Variants in HIBCH observed in about 807,000 individuals in gnomAD.
HIBCH encodes the protein 3-hydroxyisobutyryl-CoA hydrolase, also known as 3-hydroxyisobutyryl-CoA hydrolase, mitochondrial.
In HIBCH, 50 loss-of-function variants were observed where a neutral mutation model predicts 58.2. The ratio of observed to expected loss-of-function variants is 0.86; its 90% CI spans 0.68 to 1.09. The LOEUF (loss-of-function observed/expected upper bound fraction) is 1.09, where lower values mean the gene tolerates loss of function less well. Among genes scored for constraint, HIBCH ranks in the 50% least tolerant of loss-of-function variants. HIBCH has a pLI of 0.00. For missense variants in HIBCH, 450 were observed against 449.7 expected, an observed-to-expected ratio of 1.00 and a Z score of -0.01; for synonymous variants, 151 against 146.9, an observed-to-expected ratio of 1.03 and a Z score of -0.20.
intron 1 of HIBCH, among the ~76,000 whole-genome samples, chr2:190,194,266 T>C (rs1426523106): frequency 6.6e-6 from 1 of 152,160 alleles, no homozygotes; most frequent in African/African-American, 2.4e-5. Flanking sequence ...GAGCATAATG[T>C]TGTTCAGAAC....
intron 2 of HIBCH, among the ~76,000 whole-genome samples, chr2:190,303,010 G>C (rs1368169535): frequency 2.0e-5 from 3 of 152,176 alleles, no homozygotes; most frequent in African/African-American, 7.2e-5. Context: ...AAATTAGTAA[G>C]TAATGGAGCC....
At chr2:190,242,395 T>C (rs1319211408) in intron 11 of HIBCH, among the ~76,000 whole-genome samples, 1 of 152,106 alleles carries the variant, frequency 6.6e-6, no homozygotes, top group Non-Finnish European at 1.5e-5. Flanking sequence ...GAGTTTGTTA[T>C]TACCCACCTT....
chr2:190,224,093 C>T (rs145123837), intron 11 of HIBCH, among the ~76,000 whole-genome samples: 5 of 152,218 alleles, frequency 3.3e-5, no homozygotes, highest in African/African-American at 4.8e-5. Flanking sequence ...GCAAACGGCA[C>T]ACCAGGAGAT....
At chr2:190,199,313 T>G (rs917831924), downstream of HIBCH, among the ~76,000 whole-genome samples, 2 of 152,188 alleles carry the variant, frequency 1.3e-5, no homozygotes, top group Non-Finnish European at 2.9e-5. Context: ...AACGCAGCCA[T>G]GGACACATGT....
chr2:190,246,734 C>T (rs1275749775), intron 9 of HIBCH, among the ~76,000 whole-genome samples: 1 of 152,206 alleles, frequency 6.6e-6, no homozygotes, highest in Non-Finnish European at 1.5e-5. Flanking sequence ...ATCTCTTTCA[C>T]CTTAACCACT....
At chr2:190,274,912 C>G (rs889978821) in intron 6 of HIBCH, among the ~76,000 whole-genome samples, 2 of 152,198 alleles carry the variant, frequency 1.3e-5, no homozygotes, top group Non-Finnish European at 2.9e-5. Context: ...GATTTCCTTT[C>G]TAGGTACACA....
intron 11 of HIBCH, among the ~76,000 whole-genome samples, chr2:190,229,151 G>A (rs1260969935): frequency 6.6e-6 from 1 of 151,926 alleles, no homozygotes; most frequent in Middle Eastern, 3.2e-3. Flanking sequence ...ATCTCCTATT[G>A]GTTCTATTTC....
At chr2:190,237,909 G>C (rs572560094) in intron 11 of HIBCH, among the ~76,000 whole-genome samples, 75 of 152,086 alleles carry the variant, frequency 4.9e-4, no homozygotes, top group African/African-American at 1.7e-3. Flanking sequence ...TTATGAGTGA[G>C]AACATGCAGT....
At chr2:190,221,601 G>A (rs1341581044) in intron 11 of HIBCH, among the ~76,000 whole-genome samples, 1 of 152,124 alleles carries the variant, frequency 6.6e-6, no homozygotes, top group Non-Finnish European at 1.5e-5. Flanking sequence ...CCACCCTCAA[G>A]CGTGAAACCA....
chr2:190,221,633 A>C (rs1476106326), intron 11 of HIBCH, among the ~76,000 whole-genome samples: 1 of 152,130 alleles, frequency 6.6e-6, no homozygotes, highest in African/African-American at 2.4e-5. Flanking sequence ...GAGAACACAC[A>C]TTCCTGTTTT....
At position 190,259,880 on chromosome 2, in the gene HIBCH, C is replaced by T. The variant is rs1344527552; in HGVS notation, c.517+1276G>A. 3.3e-5 allele frequency among the ~76,000 whole-genome samples: 5 copies of T among 152,116 alleles called. No homozygotes were observed. In the South Asian group the frequency reaches 8.3e-4, roughly 25 times the overall value. On this transcript the variant is annotated intron_variant, in intron 7 of 13. Transcript: ENST00000359678. ...GCTCTGGCAAGGACTTTCAATACAG[C>T]ATTGAACAGAAATGATGAGAGCAGG...
intron 3 of HIBCH, among the ~76,000 whole-genome samples, chr2:190,294,961 T>G (rs1228322610): frequency 6.6e-6 from 1 of 152,212 alleles, no homozygotes; most frequent in Non-Finnish European, 1.5e-5. Flanking sequence ...AATAATATGT[T>G]ACATAAACGT....
At chr2:190,316,335 C>T (rs1688709854) in intron 1 of HIBCH, among the ~76,000 whole-genome samples, 1 of 152,154 alleles carries the variant, frequency 6.6e-6, no homozygotes, top group African/African-American at 2.4e-5. Flanking sequence ...CTATGTTGCC[C>T]AGGCTGGTCT....
rs1690410026 is a variant in HIBCH, at chr2:190,207,097, G to C, written c.1045+1783C>G. On this transcript the variant is annotated intron_variant, in intron 13 of 13. Transcript: ENST00000359678. The surrounding 1 kb of genome is among the most constrained non-coding windows in gnomAD (Gnocchi z 4.5). Reference sequence around the variant, plus strand: ...AGATTTTGCCACTGCTCTCCAGCCTGGGTGACAGAGTGAGACTCCATCTCA... The same window carrying C: ...AGATTTTGCCACTGCTCTCCAGCCTCGGTGACAGAGTGAGACTCCATCTCA... Among the ~76,000 whole-genome samples the C allele has an allele frequency of 2.0e-5, 3 of 152,080 alleles. No homozygotes were observed. The highest frequency in any genetic ancestry group is 2.9e-5 in the Non-Finnish European group (2 of 68,026).
intron 11 of HIBCH, among the ~76,000 whole-genome samples, chr2:190,230,180 A>G (rs1686051460): frequency 6.6e-6 from 1 of 152,168 alleles, no homozygotes; most frequent in African/African-American, 2.4e-5. Context: ...TCTGCTTAAG[A>G]GTACCTGGTG....
intron 11 of HIBCH, among the ~76,000 whole-genome samples, chr2:190,238,550 T>C (rs1214547329): frequency 2.6e-5 from 4 of 152,178 alleles, no homozygotes; most frequent in South Asian, 4.1e-4. Context: ...CTACAACCTC[T>C]GCCTCCCAGG....
downstream of HIBCH, chr2:190,200,011 C>T (rs373093941): frequency 3.7e-6 from 6 of 1,613,894 alleles, no homozygotes; most frequent in African/African-American, 8.0e-5. Context: ...AGTGAAGGAA[C>T]CTCCAGGGAC....
intron 6 of HIBCH, among the ~76,000 whole-genome samples, chr2:190,282,859 A>G (rs1478116796): frequency 7.1e-6 from 1 of 140,776 alleles, no homozygotes; most frequent in African/African-American, 2.6e-5. Context: ...AAAAAAAAAA[A>G]AGGTAGGATA....
At chr2:190,194,544 G>A (rs566434846) in intron 1 of HIBCH, among the ~76,000 whole-genome samples, 5 of 149,936 alleles carry the variant, frequency 3.3e-5, no homozygotes, top group East Asian at 3.9e-4. Flanking sequence ...TAGACACATC[G>A]CAATCACCTG....
Sources: allele counts gnomAD v4.1 joint callset (sites outside exome capture counted in the v4.1 genomes callset), GRCh38; gene constraint gnomAD v4.1.1; non-coding constraint Gnocchi (gnomAD v3.1); transcripts MANE v1.5; gene names NCBI Gene and HGNC (gene_info 2026-07-23, HGNC 2026-07-21).